SPAG16: variants seen among roughly 807,000 people sequenced by gnomAD.
The protein encoded by SPAG16 is sperm associated antigen 16, also known as sperm-associated antigen 16 protein.
SPAG16 carries 86 observed loss-of-function variants against 80.4 expected under a neutral mutation model. The ratio of observed to expected loss-of-function variants is 1.07; its 90% CI spans 0.90 to 1.28. The LOEUF is 1.28. SPAG16 is among the 50% of genes most tolerant of loss of function. SPAG16 has a pLI of 0.00. For synonymous variants in SPAG16, 294 were observed against 265.9 expected (o/e 1.11, Z -1.03); for missense variants, 870 against 765.3 (o/e 1.14, Z -1.61).
chr2:214,075,636 C>T (rs1353882253), intron 13 of SPAG16, among the ~76,000 whole-genome samples: 1 of 152,142 alleles, frequency 6.6e-6, no homozygotes, highest in East Asian at 1.9e-4. Flanking sequence ...TTCATATCCT[C>T]AGGGGAATAA....
Position 213,653,084 on chromosome 2 carries a change from A to T in SPAG16, c.1070+162994A>T, listed in dbSNP as rs568518861. Among the ~76,000 whole-genome samples the T allele has an allele frequency of 4.0e-5, 6 of 149,080 alleles. No individual in the cohort carries two copies. In the East Asian group the frequency reaches 5.9e-4, roughly 15 times the overall value. ...CATAGTCTCCTATCCTTTTATAAAG[A>T]AATGTTAGTGGCATCACTGGGTCAA... On this transcript the variant is annotated intron_variant, in intron 10 of 15. Coordinates refer to ENST00000331683, the MANE Select transcript of SPAG16 (RefSeq NM_024532.5).
At chr2:213,752,995 CA>C in intron 10 of SPAG16, among the ~76,000 whole-genome samples, 1 of 152,238 alleles carries the variant, frequency 6.6e-6, no homozygotes, top group African/African-American at 2.4e-5. Flanking sequence ...TATGCTAACT[CA>C]AAAAGTTATT....
Position 214,145,391 on chromosome 2 carries a change from G to GT in SPAG16, c.1594-3743dup, listed in dbSNP as rs1253087430. 1.2e-4 allele frequency among the ~76,000 whole-genome samples: 18 copies of GT among 152,072 alleles called. No individual in the cohort carries two copies. The East Asian group carries it at 2.1e-3, about 18-fold the overall frequency. On this transcript the variant is annotated intron_variant, in intron 14 of 15. Transcript: ENST00000331683. ...TGTATTTATAAATAATGCTACATTG[G>GT]TTTTTTCATAATACATTTTTCTTTA... is the stretch of plus-strand genomic sequence containing the variant.
rs116225129 is a variant in SPAG16 at position 213,701,621 on chromosome 2, G to A, written c.1071-160864G>A. The stretch of plus-strand genomic sequence containing the variant: ...GGGCTGAGGAGTGCAGGTGCGTGGC[G>A]CGGGACTGGTAGGCAGCTCCACCCG... On this transcript the variant is annotated intron_variant, in intron 10 of 15. Coordinates refer to ENST00000331683, the MANE Select transcript of SPAG16 (RefSeq NM_024532.5). Among the ~76,000 whole-genome samples, 1,349 of 152,282 alleles carry A rather than the reference G, an allele frequency of 8.9e-3. 26 individuals carry two copies. The highest frequency in any genetic ancestry group is 0.03 in the African/African-American group (1,258 of 41,562).
At chr2:213,836,948 TTC>T (rs3045010) in intron 10 of SPAG16, among the ~76,000 whole-genome samples, 8 of 150,716 alleles carry the variant, frequency 5.3e-5, no homozygotes, top group African/African-American at 1.2e-4. Flanking sequence ...CAACAGTGCC[TTC>T]TCTCTCTCTC....
At chr2:213,792,599 T>TC (rs1165510155) in intron 10 of SPAG16, among the ~76,000 whole-genome samples, 8 of 148,554 alleles carry the variant, frequency 5.4e-5, no homozygotes, top group African/African-American at 2.0e-4. Context: ...TTTTTTTTTT[T>TC]TGGAGACCGG....
intron 10 of SPAG16, among the ~76,000 whole-genome samples, chr2:213,600,158 T>G (rs2061014508): frequency 6.6e-6 from 1 of 152,188 alleles, no homozygotes; most frequent in African/African-American, 2.4e-5. Flanking sequence ...ATATAAAATA[T>G]TGAAATAACT....
intron 13 of SPAG16, among the ~76,000 whole-genome samples, chr2:214,104,035 A>C (rs538901696): frequency 6.6e-6 from 1 of 152,270 alleles, no homozygotes; most frequent in South Asian, 2.1e-4. Flanking sequence ...TCTTCCCAAA[A>C]AGAAGGAAAG....
At chr2:213,675,987 A>T (rs935791825) in intron 10 of SPAG16, among the ~76,000 whole-genome samples, 1 of 151,968 alleles carries the variant, frequency 6.6e-6, no homozygotes, top group Non-Finnish European at 1.5e-5. Context: ...AGTATGGCCA[A>T]TTTCATGATA....
chr2:213,646,723 A>AT (rs2062836805), intron 10 of SPAG16, among the ~76,000 whole-genome samples: 1 of 152,194 alleles, frequency 6.6e-6, no homozygotes, highest in African/African-American at 2.4e-5. Context: ...ATTGTGTATA[A>AT]TTTTGTATAC....
At chr2:214,350,914 T>G (rs1356143254) in intron 15 of SPAG16, among the ~76,000 whole-genome samples, 1 of 152,142 alleles carries the variant, frequency 6.6e-6, no homozygotes, top group Non-Finnish European at 1.5e-5. Flanking sequence ...GAGCATAACC[T>G]AAAGTTGCCC....
rs115609075 is a variant in SPAG16 at position 214,151,693 on chromosome 2, A to C, written c.1720+2427A>C. Reference sequence around the variant, plus strand: ...TGTCTAACCATTTTTTCTAGTCAAAACTCTGTGACAGAACTAAATTGTGCA... The same window carrying C: ...TGTCTAACCATTTTTTCTAGTCAAACCTCTGTGACAGAACTAAATTGTGCA... On this transcript the variant is annotated intron_variant, in intron 15 of 15. Coordinates refer to ENST00000331683, the MANE Select transcript of SPAG16 (RefSeq NM_024532.5). 5.3e-3 allele frequency among the ~76,000 whole-genome samples: 812 copies of C among 152,122 alleles called. 6 individuals are homozygous for C. Among genetic ancestry groups the C allele is most frequent in the South Asian group, 0.017 (84 of 4,826 alleles).
chr2:213,483,581 T>C lies in SPAG16; in HGVS notation c.943-6382T>C, dbSNP rs921745483. 2.6e-5 allele frequency among the ~76,000 whole-genome samples: 4 copies of C among 152,312 alleles called. No individual in the cohort carries two copies. The East Asian group carries it at 7.7e-4, about 29-fold the overall frequency. On this transcript the variant is annotated intron_variant, in intron 9 of 15. Transcript: ENST00000331683. ...CAAGCCTCAGAATCACCTAGAAAGC[T>C]CACTGAAAACAGATTGTTGGGCCCC... is the stretch of plus-strand genomic sequence containing the variant.
At chr2:214,272,538 G>A (rs906313665) in intron 15 of SPAG16, among the ~76,000 whole-genome samples, 2 of 152,064 alleles carry the variant, frequency 1.3e-5, no homozygotes, top group South Asian at 2.1e-4. Context: ...GAGAACATGC[G>A]GCGTTTGGTT....
intron 11 of SPAG16, among the ~76,000 whole-genome samples, chr2:213,896,593 C>CTATATATATATATAT (rs1553657365): frequency 1.7e-3 from 206 of 119,722 alleles, no homozygotes; most frequent in African/African-American, 2.4e-3. Context: ...CACACACACG[C>CTATATATATATATAT]ACACACACAC....
In SPAG16 at chr2:214,345,041, G is replaced by T. The variant is rs16851838; in HGVS notation, c.1721-65099G>T. Among the ~76,000 whole-genome samples the T allele has an allele frequency of 1.7e-3, 254 of 152,118 alleles. 7 individuals are homozygous for T. The East Asian group carries it at 0.042, about 25-fold the overall frequency. Reference sequence around the variant, plus strand: ...TATTCCAGGCCACACAATATGATGGGAAACAATCGTTCTTACCTTTAGTAA... The same window carrying T: ...TATTCCAGGCCACACAATATGATGGTAAACAATCGTTCTTACCTTTAGTAA... On this transcript the variant is annotated intron_variant, in intron 15 of 15. Coordinates refer to ENST00000331683, the MANE Select transcript of SPAG16 (RefSeq NM_024532.5).
chr2:213,860,482 T>G (rs5015908), intron 10 of SPAG16, among the ~76,000 whole-genome samples: 3,984 of 132,782 alleles, frequency 0.03, 107 homozygotes, highest in South Asian at 0.062. Flanking sequence ...TCTATATATA[T>G]ATATACACAC....
intron 13 of SPAG16, among the ~76,000 whole-genome samples, chr2:214,038,223 C>T (rs936177681): frequency 1.3e-5 from 2 of 152,012 alleles, no homozygotes; most frequent in African/African-American, 4.8e-5. Flanking sequence ...TTCTAGCAGT[C>T]AATTTTTAAT....
At chr2:214,315,113 G>A (rs1695587042) in intron 15 of SPAG16, among the ~76,000 whole-genome samples, 1 of 152,064 alleles carries the variant, frequency 6.6e-6, no homozygotes, top group African/African-American at 2.4e-5. Flanking sequence ...GGAATTAACA[G>A]CTAACTGAGG....
Sources: allele counts gnomAD v4.1 joint callset (sites outside exome capture counted in the v4.1 genomes callset), GRCh38; gene constraint gnomAD v4.1.1; transcripts MANE v1.5; gene names NCBI Gene and HGNC (gene_info 2026-07-23, HGNC 2026-07-21).